The following BICRA variants were observed in gnomAD, a reference collection of about 807,000 sequenced individuals.
BICRA encodes BRD4-interacting chromatin-remodeling complex-associated protein.
BICRA carries 31 observed loss-of-function variants against 96.9 expected under a neutral mutation model. The ratio of observed to expected loss-of-function variants is 0.32; its 90% CI spans 0.24 to 0.43. BICRA has a LOEUF of 0.43. Among genes scored for constraint, BICRA ranks in the 20% least tolerant of loss-of-function variants. The probability of loss-of-function intolerance (pLI) is 1.00; values close to 1 mark genes in which losing one functional copy is unlikely to be tolerated. For synonymous variants in BICRA, 1,350 were observed against 1,071.8 expected, an observed-to-expected ratio of 1.26 and a Z score of -5.07; for missense variants, 2,283 against 2,190.3, an observed-to-expected ratio of 1.04 and a Z score of -0.84.
intron 10 of BICRA, among the ~76,000 whole-genome samples, chr19:47,696,220 A>G (rs10423076): frequency 0.7 from 106,275 of 151,872 alleles, 37,861 homozygotes; most frequent in East Asian, 0.96. Flanking sequence ...GGCAGAGGAC[A>G]CCCAGGGCTC....
intron 11 of BICRA, among the ~76,000 whole-genome samples, chr19:47,697,063 A>T (rs144545191): frequency 6.6e-6 from 1 of 151,936 alleles, no homozygotes; most frequent in Non-Finnish European, 1.5e-5. Context: ...CTAGAGTGCA[A>T]TGGCACAATA....
In BICRA at chr19:47,698,609, TG is replaced by T; in HGVS notation, c.3249-23del. On this transcript the variant is annotated intron_variant, in intron 11 of 14. Transcript: ENST00000594866. The surrounding 1 kb of genome is among the most constrained non-coding windows in gnomAD (Gnocchi z 4.8). ...CGTCCCCCCCACCCTCCGCCGTGTGTGGTCTCTCCCCTTTCCACCCGCAGTT... is the reference window on the plus strand; with the variant it reads ...CGTCCCCCCCACCCTCCGCCGTGTGTGTCTCTCCCCTTTCCACCCGCAGTT... The T allele has an allele frequency of 2.9e-6, 3 of 1,041,560 alleles. No homozygotes were observed. The highest frequency in any genetic ancestry group is 1.5e-6 in the Non-Finnish European group (1 of 681,958). The allele number at this position is 1,041,560 out of a possible 1,614,324, so 64.5% of individuals were successfully genotyped here.
chr19:47,659,004 T>C (rs1226872160), intron 1 of BICRA, among the ~76,000 whole-genome samples: 1 of 152,346 alleles, frequency 6.6e-6, no homozygotes, highest in South Asian at 2.1e-4. Context: ...CCAGGGTTTT[T>C]CCTGTTTCTC....
intron 7 of BICRA, among the ~76,000 whole-genome samples, chr19:47,685,799 G>GCGCGCGCGCACGCA (rs141802949): frequency 1.2e-4 from 18 of 148,730 alleles, no homozygotes; most frequent in Admixed American, 2.7e-4. Context: ...GCGCGCGCGC[G>GCGCGCGCGCACGCA]CATGCGTACA....
rs1421313993 is a variant in BICRA at position 47,682,019 on chromosome 19, C to T, written c.2150C>T (p.Ser717Phe). 6.4e-7 allele frequency: 1 copy of T among 1,571,556 alleles called. No homozygotes were observed. The highest frequency in any genetic ancestry group is 2.3e-5 in the East Asian group (1 of 42,670). The change falls in exon 7 of 15, where the codon TCC becomes TTC. Residue 717 changes from serine to phenylalanine, a missense_variant. Ser to Phe is a radical substitution (Grantham distance 155, BLOSUM62 -2). Coordinates refer to ENST00000594866, the MANE Select transcript of BICRA (RefSeq NM_001394372.1). ...QPLSAEGPHL[S>F]VPASVIVSAP... ...CTCTCCGCAGAGGGCCCCCACCTCT[C>T]CGTGCCTGCCTCGGTCATAGTCAGC...
At position 47,702,615 on chromosome 19, in the gene BICRA, G is replaced by A. The variant is rs1342728146; in HGVS notation, c.*200G>A. The A allele has an allele frequency of 1.7e-6, 1 of 577,070 alleles. No individual in the cohort carries two copies. The highest frequency in any genetic ancestry group is 2.9e-6 in the Non-Finnish European group (1 of 348,700). 35.7% of individuals were successfully genotyped at this position (577,070 alleles called of 1,614,324 possible). On this transcript the variant is annotated 3_prime_UTR_variant, in exon 15 of 15. Coordinates refer to ENST00000594866, the MANE Select transcript of BICRA (RefSeq NM_001394372.1). Reference sequence around the variant, plus strand: ...GGGGGTGGGCGTGGATTTAGGGAGGGGGCTGTGATGTAAAACGTCTCCCCT... The same window carrying A: ...GGGGGTGGGCGTGGATTTAGGGAGGAGGCTGTGATGTAAAACGTCTCCCCT...
intron 1 of BICRA, among the ~76,000 whole-genome samples, chr19:47,613,553 T>C (rs772140690): frequency 1.1e-4 from 17 of 152,166 alleles, no homozygotes; most frequent in Non-Finnish European, 1.9e-4. Context: ...CAGTCACCCG[T>C]GCCGTGTCCA....
intron 7 of BICRA, among the ~76,000 whole-genome samples, chr19:47,683,740 A>C (rs1472739576): frequency 2.0e-5 from 3 of 151,958 alleles, no homozygotes; most frequent in Non-Finnish European, 4.4e-5. Flanking sequence ...GCCCGCCACC[A>C]CGCCGGGCTA....
At chr19:47,678,479 G>A (rs1394512712) in intron 5 of BICRA, among the ~76,000 whole-genome samples, 1 of 152,130 alleles carries the variant, frequency 6.6e-6, no homozygotes, top group African/African-American at 2.4e-5. Context: ...GCGGGCTTGG[G>A]CTGGATGGGC....
chr19:47,653,214 G>A (rs1429268407), intron 1 of BICRA, among the ~76,000 whole-genome samples: 2 of 151,502 alleles, frequency 1.3e-5, no homozygotes, highest in African/African-American at 4.8e-5. Context: ...GTAGAGATGG[G>A]GTTTCATCAT....
chr19:47,696,750 C>T (rs1176284862), intron 11 of BICRA, among the ~76,000 whole-genome samples: 4 of 152,164 alleles, frequency 2.6e-5, no homozygotes, highest in Admixed American at 2.0e-4. Context: ...CTCAGGAGGG[C>T]GGCAGTTTGG....
chr19:47,689,921 CCATATTGAT>C (rs1287580387), intron 7 of BICRA, among the ~76,000 whole-genome samples: 2 of 152,184 alleles, frequency 1.3e-5, no homozygotes, highest in Non-Finnish European at 2.9e-5. Flanking sequence ...CCAGGAAATG[CCATATTGAT>C]GCACTTTAGA....
In BICRA at chr19:47,626,969, G is replaced by A. The variant is rs184907233; in HGVS notation, c.-108+17801G>A. Among the ~76,000 whole-genome samples the A allele has an allele frequency of 3.0e-3, 464 of 152,146 alleles. 2 individuals carry two copies. Among genetic ancestry groups the A allele is most frequent in the African/African-American group, 0.011 (448 of 41,526 alleles). On this transcript the variant is annotated intron_variant, in intron 1 of 14. Coordinates refer to ENST00000594866, the MANE Select transcript of BICRA (RefSeq NM_001394372.1). Reference sequence around the variant, plus strand: ...ACTCCTGTCCTCAAGTGATCCGCCCGTCTTGGCCTCCCAGAGTGCTGGGAT... The same window carrying A: ...ACTCCTGTCCTCAAGTGATCCGCCCATCTTGGCCTCCCAGAGTGCTGGGAT...
intron 10 of BICRA, among the ~76,000 whole-genome samples, chr19:47,695,681 C>T (rs533614893): frequency 2.0e-4 from 30 of 152,098 alleles, no homozygotes; most frequent in African/African-American, 7.0e-4. Flanking sequence ...GGGAGAAACA[C>T]GGAGACGGTG....
intron 1 of BICRA, among the ~76,000 whole-genome samples, chr19:47,628,125 G>T (rs1424210882): frequency 6.6e-6 from 1 of 152,164 alleles, no homozygotes; most frequent in Non-Finnish European, 1.5e-5. Flanking sequence ...ATGACAACAT[G>T]ACAAGGACTT....
At chr19:47,677,737 G>A (rs1170676437) in intron 5 of BICRA, among the ~76,000 whole-genome samples, 2 of 152,184 alleles carry the variant, frequency 1.3e-5, no homozygotes, top group African/African-American at 4.8e-5. Flanking sequence ...AACTCACAGT[G>A]CGGTTGGCAC....
intron 7 of BICRA, among the ~76,000 whole-genome samples, chr19:47,687,681 A>G (rs1347204918): frequency 2.0e-5 from 3 of 152,050 alleles, no homozygotes; most frequent in African/African-American, 7.2e-5. Context: ...CTGTAATCCC[A>G]GCTATGCTAC....
Position 47,681,155 on chromosome 19 carries a change from C to G in BICRA, c.1985C>G (p.Thr662Ser), listed in dbSNP as rs1357039052. Residue 662 changes from threonine (T) to serine (S), a missense_variant, in exon 6 of 15, where the codon ACC becomes AGC. Physicochemically the swap from Thr to Ser is moderately conservative, Grantham distance 58 (BLOSUM62 1). Coordinates refer to ENST00000594866, the MANE Select transcript of BICRA (RefSeq NM_001394372.1). ...TPQAAAPPQA[T>S]TPQPSPGLAS... ...CAGGCCGCCGCCCCGCCTCAGGCCA[C>G]CACCCCCCAGCCCAGCCCTGGCCTG... 3 of 1,517,396 alleles carry G rather than the reference C, an allele frequency of 2.0e-6. No individual in the cohort carries two copies. Among genetic ancestry groups the G allele is most frequent in the South Asian group, 2.4e-5 (2 of 83,610 alleles). 94.0% of individuals were successfully genotyped at this position (1,517,396 alleles called of 1,614,324 possible). A position where few individuals can be genotyped will look rare whatever the true frequency, so the allele number is the denominator to read the frequency against.
intron 1 of BICRA, among the ~76,000 whole-genome samples, chr19:47,638,612 G>C (rs75067088): frequency 2.9e-5 from 3 of 105,042 alleles, no homozygotes; most frequent in African/African-American, 9.9e-5. Context: ...CTCTCTCTCT[G>C]TCACACACAC....
Sources: gnomAD v4.1 joint callset for allele counts (sites outside exome capture counted in the v4.1 genomes callset) on GRCh38, gnomAD v4.1.1 for gene constraint, Gnocchi (gnomAD v3.1) non-coding constraint, MANE v1.5 for transcripts, NCBI Gene and HGNC (gene_info 2026-07-23, HGNC 2026-07-21) for gene names.